The following RORA variants were observed in gnomAD, a reference collection of about 807,000 sequenced individuals.
The protein encoded by RORA is RAR related orphan receptor A, also known as nuclear receptor ROR-alpha.
A neutral mutation model predicts 69.5 loss-of-function variants in RORA; 7 were observed. That is an observed-to-expected ratio of 0.10 (90% confidence interval 0.06 to 0.19). The LOEUF (loss-of-function observed/expected upper bound fraction) is 0.19, where lower values mean the gene tolerates loss of function less well. Ranked by LOEUF, RORA falls within the 10% of genes least tolerant of loss-of-function variation. The pLI is 1.00. For missense variants in RORA, 457 were observed against 663.0 expected, an observed-to-expected ratio of 0.69 and a Z score of 3.41; for synonymous variants, 261 against 240.8, an observed-to-expected ratio of 1.08 and a Z score of -0.78.
intron 1 of RORA, among the ~76,000 whole-genome samples, chr15:61,016,804 A>C (rs1895305800): frequency 6.6e-6 from 1 of 152,164 alleles, no homozygotes; most frequent in Non-Finnish European, 1.5e-5. Context: ...GGTATGAGGC[A>C]AGCAGAGAAA....
intron 1 of RORA, among the ~76,000 whole-genome samples, chr15:60,748,441 C>A (rs2071679543): frequency 1.3e-5 from 2 of 152,146 alleles, no homozygotes; most frequent in African/African-American, 2.4e-5. Context: ...AGAGGTTCCT[C>A]CTCACGTGGT....
At chr15:60,826,740 GCTCTCTCTCT>G (rs72326847) in intron 1 of RORA, among the ~76,000 whole-genome samples, 945 of 120,830 alleles carry the variant, frequency 7.8e-3, no homozygotes, top group East Asian at 0.017. Flanking sequence ...TATTCTACCT[GCTCTCTCTCT>G]CTCTCTCTCT....
At chr15:61,009,479 A>C (rs1183963429) in intron 1 of RORA, among the ~76,000 whole-genome samples, 2 of 152,230 alleles carry the variant, frequency 1.3e-5, no homozygotes, top group Non-Finnish European at 2.9e-5. Context: ...ACGATACAGG[A>C]AAGAAAATCT....
intron 1 of RORA, among the ~76,000 whole-genome samples, chr15:60,872,061 T>A (rs1046647550): frequency 6.6e-6 from 1 of 152,198 alleles, no homozygotes; most frequent in African/African-American, 2.4e-5. Flanking sequence ...CTTTGGAGAA[T>A]AACTCACTGG....
chr15:61,107,388 A>C (rs1189538697), intron 1 of RORA, among the ~76,000 whole-genome samples: 1 of 152,176 alleles, frequency 6.6e-6, no homozygotes, highest in Non-Finnish European at 1.5e-5. Flanking sequence ...ACTATTCTCC[A>C]TTTCCCAAAA....
At chr15:61,081,143 C>T (rs2078533344) in intron 1 of RORA, among the ~76,000 whole-genome samples, 1 of 152,184 alleles carries the variant, frequency 6.6e-6, no homozygotes, top group Non-Finnish European at 1.5e-5. Context: ...CTGTTACCTC[C>T]TGCACCGCTG....
At chr15:60,685,506 G>A (rs1290777120) in intron 1 of RORA, among the ~76,000 whole-genome samples, 4 of 152,274 alleles carry the variant, frequency 2.6e-5, no homozygotes, top group South Asian at 4.2e-4. Flanking sequence ...CCAGGAGACT[G>A]CTCCATTCTA....
chr15:60,985,582 C>CTTTTTT (rs11451387), intron 1 of RORA, among the ~76,000 whole-genome samples: 14,393 of 99,772 alleles, frequency 0.14, 1,578 homozygotes, highest in African/African-American at 0.17. Flanking sequence ...AACTCATCCT[C>CTTTTTT]TTTTTTTTTT....
chr15:60,717,363 C>G (rs756782646), intron 1 of RORA, among the ~76,000 whole-genome samples: 1 of 152,160 alleles, frequency 6.6e-6, no homozygotes, highest in Non-Finnish European at 1.5e-5. Context: ...GTGCCTTGTA[C>G]GCAACCATTC....
intron 1 of RORA, chr15:60,841,173 G>A (rs756721604): frequency 6.4e-5 from 44 of 682,306 alleles, no homozygotes; most frequent in Non-Finnish European, 8.0e-5. Context: ...ACACAGCTTG[G>A]AGAAAGAACA....
chr15:60,900,524 C>G (rs1379491442), intron 1 of RORA, among the ~76,000 whole-genome samples: 1 of 152,306 alleles, frequency 6.6e-6, no homozygotes, highest in East Asian at 1.9e-4. Flanking sequence ...ACTTACTACT[C>G]ATGTGTGTTT....
At chr15:60,707,599 G>A (rs554632190) in intron 1 of RORA, among the ~76,000 whole-genome samples, 10 of 152,016 alleles carry the variant, frequency 6.6e-5, no homozygotes, top group South Asian at 2.1e-4. Context: ...TCCTGACCTC[G>A]TGATCTGTCC....
intron 2 of RORA, among the ~76,000 whole-genome samples, chr15:60,557,808 T>C (rs1449765386): frequency 6.6e-6 from 1 of 152,210 alleles, no homozygotes; most frequent in Non-Finnish European, 1.5e-5. Context: ...TAGTAAGTAA[T>C]TGGGATAGCT....
At chr15:60,821,040 G>T (rs1280232577) in intron 1 of RORA, among the ~76,000 whole-genome samples, 1 of 149,030 alleles carries the variant, frequency 6.7e-6, no homozygotes, top group East Asian at 2.0e-4. Context: ...CTGTCCCACT[G>T]CCAGAGGATA....
Position 61,012,530 on chromosome 15 carries a change from T to C in RORA, c.166+216523A>G, listed in dbSNP as rs958053753. On this transcript the variant is annotated intron_variant, in intron 1 of 10. Coordinates refer to ENST00000335670, the MANE Select transcript of RORA (RefSeq NM_134261.3). ...AAAACTATAATTCAAACAAAATTCA[T>C]GTCTCAGAAAGATTCTTAAGCAATC... is the stretch of plus-strand genomic sequence containing the variant. Among the ~76,000 whole-genome samples, 7 of 152,250 alleles carry C rather than the reference T, an allele frequency of 4.6e-5. No homozygotes were observed. In the South Asian group the frequency reaches 1.0e-3, roughly 22 times the overall value.
intron 1 of RORA, among the ~76,000 whole-genome samples, chr15:60,928,836 C>G (rs1195005732): frequency 6.6e-6 from 1 of 152,244 alleles, no homozygotes; most frequent in Non-Finnish European, 1.5e-5. Context: ...TAGGCACAGG[C>G]TCCTCTGGAA....
At chr15:61,013,453 G>A (rs1052831512) in intron 1 of RORA, among the ~76,000 whole-genome samples, 3 of 152,222 alleles carry the variant, frequency 2.0e-5, no homozygotes, top group Admixed American at 6.5e-5. Flanking sequence ...AACTGACAGG[G>A]AAGTGCTTTG....
chr15:61,141,816 T>G (rs1396682481), intron 1 of RORA, among the ~76,000 whole-genome samples: 1 of 152,216 alleles, frequency 6.6e-6, no homozygotes, highest in East Asian at 1.9e-4. Flanking sequence ...ACAGGTCGAC[T>G]GCAGGAGGCA....
At chr15:60,727,338 A>G (rs1246444308) in intron 1 of RORA, among the ~76,000 whole-genome samples, 1 of 152,130 alleles carries the variant, frequency 6.6e-6, no homozygotes, top group African/African-American at 2.4e-5. Context: ...TGAATTCCCA[A>G]CATACCTTCC....
Sources: allele counts gnomAD v4.1 joint callset (sites outside exome capture counted in the v4.1 genomes callset), GRCh38; gene constraint gnomAD v4.1.1; transcripts MANE v1.5; gene names NCBI Gene and HGNC (gene_info 2026-07-23, HGNC 2026-07-21).